The following LHFPL2 variants were observed in gnomAD, a reference collection of about 807,000 sequenced individuals.
The protein encoded by LHFPL2 is LHFPL tetraspan subfamily member 2 protein.
LHFPL2 carries 7 observed loss-of-function variants against 17.5 expected under a neutral mutation model. That is an observed-to-expected ratio of 0.40 (90% confidence interval 0.23 to 0.75). The LOEUF is 0.75. LHFPL2 is among the 30% of genes least tolerant of loss of function. The pLI, the probability that LHFPL2 is intolerant of heterozygous loss-of-function variation, is 0.37. For missense variants in LHFPL2, 241 were observed against 294.8 expected, an observed-to-expected ratio of 0.82 and a Z score of 1.34; for synonymous variants, 134 against 116.2, an observed-to-expected ratio of 1.15 and a Z score of -0.99.
chr5:78,549,464 C>T (rs1756376991), intron 3 of LHFPL2, among the ~76,000 whole-genome samples: 1 of 152,226 alleles, frequency 6.6e-6, no homozygotes, highest in Admixed American at 6.5e-5. Flanking sequence ...GTCAGCATCT[C>T]CCCAACTGGG....
intron 1 of LHFPL2, among the ~76,000 whole-genome samples, chr5:78,633,341 C>T (rs191355099): frequency 1.3e-5 from 2 of 152,356 alleles, no homozygotes; most frequent in Non-Finnish European, 2.9e-5. Flanking sequence ...CAGCTCAGTG[C>T]CACTGCCTCA....
At chr5:78,618,408 T>C (rs1395865732) in intron 2 of LHFPL2, among the ~76,000 whole-genome samples, 1 of 152,118 alleles carries the variant, frequency 6.6e-6, no homozygotes, top group African/African-American at 2.4e-5. Context: ...CATGTGGCAA[T>C]GGCAGAGGTC....
Position 78,607,793 on chromosome 5 carries a change from T to C in LHFPL2, c.-245+24471A>G, listed in dbSNP as rs919313488. On this transcript the variant is annotated intron_variant, in intron 2 of 4. Coordinates refer to ENST00000380345, the MANE Select transcript of LHFPL2 (RefSeq NM_005779.3). ...TACAAAGAAAAGTGGTAGGTTTTTT[T>C]TCCCCTAAGCCGAAGGTACCTATGC... Among the ~76,000 whole-genome samples, 4 of 152,242 alleles carry C rather than the reference T, an allele frequency of 2.6e-5. No homozygotes were observed. In the East Asian group the frequency reaches 5.8e-4, roughly 22 times the overall value.
At chr5:78,584,913 C>A (rs550388368) in intron 2 of LHFPL2, among the ~76,000 whole-genome samples, 8 of 151,558 alleles carry the variant, frequency 5.3e-5, no homozygotes, top group Admixed American at 5.3e-4. Context: ...TGATCTCTGA[C>A]TGCTGTGCTA....
chr5:78,607,963 A>G (rs544443693), intron 2 of LHFPL2, among the ~76,000 whole-genome samples: 1 of 152,364 alleles, frequency 6.6e-6, no homozygotes, highest in Admixed American at 6.5e-5. Context: ...CTTTTTAAGA[A>G]GATATGTGAT....
chr5:78,585,382 T>C (rs1743345490), intron 2 of LHFPL2, among the ~76,000 whole-genome samples: 1 of 151,770 alleles, frequency 6.6e-6, no homozygotes, highest in African/African-American at 2.4e-5. Context: ...AGGTGCCGTC[T>C]GTCACCCCTT....
At chr5:78,541,650 C>G (rs1756118290) in intron 3 of LHFPL2, among the ~76,000 whole-genome samples, 1 of 152,182 alleles carries the variant, frequency 6.6e-6, no homozygotes, top group South Asian at 2.1e-4. Flanking sequence ...CCTGATAAAT[C>G]AGTTACTAAA....
At chr5:78,494,337 A>G (rs1754539666) in intron 4 of LHFPL2, 1 of 984,304 alleles carries the variant, frequency 1.0e-6, no homozygotes, top group South Asian at 4.7e-5. Context: ...GAAAGAAGCC[A>G]TAGGTCACCT....
chr5:78,529,387 C>G (rs1755712750), intron 3 of LHFPL2, among the ~76,000 whole-genome samples: 1 of 152,206 alleles, frequency 6.6e-6, no homozygotes, highest in Non-Finnish European at 1.5e-5. Context: ...GATGACCTCG[C>G]TTTACTGTCA....
intron 3 of LHFPL2, among the ~76,000 whole-genome samples, chr5:78,545,565 A>C (rs1756247150): frequency 6.6e-6 from 1 of 152,224 alleles, no homozygotes; most frequent in Non-Finnish European, 1.5e-5. Context: ...TTGCTCCATG[A>C]GACGAACTCA....
At chr5:78,619,444 A>G (rs1224385580) in intron 2 of LHFPL2, among the ~76,000 whole-genome samples, 1 of 151,688 alleles carries the variant, frequency 6.6e-6, no homozygotes, top group Non-Finnish European at 1.5e-5. Flanking sequence ...CTCATCCTTT[A>G]GAGTTTACAG....
At chr5:78,591,824 G>A (rs1001268107) in intron 2 of LHFPL2, among the ~76,000 whole-genome samples, 5 of 152,214 alleles carry the variant, frequency 3.3e-5, no homozygotes, top group African/African-American at 4.8e-5. Flanking sequence ...GGCAGCAAGA[G>A]CAAACACAAG....
At chr5:78,627,648 C>T (rs1253156112) in intron 2 of LHFPL2, among the ~76,000 whole-genome samples, 1 of 152,196 alleles carries the variant, frequency 6.6e-6, no homozygotes, top group Non-Finnish European at 1.5e-5. Context: ...GCCTCACTCC[C>T]TCTCTGCAAA....
At position 78,616,590 on chromosome 5, in the gene LHFPL2, G is replaced by A. The variant is rs115650730; in HGVS notation, c.-245+15674C>T. 3.1e-3 allele frequency among the ~76,000 whole-genome samples: 469 copies of A among 152,340 alleles called. 4 individuals are homozygous for A. The highest frequency in any genetic ancestry group is 0.011 in the African/African-American group (457 of 41,576). On this transcript the variant is annotated intron_variant, in intron 2 of 4. Coordinates refer to ENST00000380345, the MANE Select transcript of LHFPL2 (RefSeq NM_005779.3). ...TCACCTCCCCTAATCCTTGCTCAGT[G>A]TGCTGATGTGTCCCAGAGGAGAAGG...
Position 78,510,296 on chromosome 5 carries a change from G to A in LHFPL2, c.-83C>T. On this transcript the variant is annotated 5_prime_UTR_variant, in exon 4 of 5. Coordinates refer to ENST00000380345, the MANE Select transcript of LHFPL2 (RefSeq NM_005779.3). Reference sequence around the variant, plus strand: ...AGTCGGTGGGGAAGGAGGCTCGGGCGGCCCGGGAAGGAAGTCGCAGCTGCA... The same window carrying A: ...AGTCGGTGGGGAAGGAGGCTCGGGCAGCCCGGGAAGGAAGTCGCAGCTGCA... 2 of 1,344,532 alleles carry A rather than the reference G, an allele frequency of 1.5e-6. No homozygotes were observed. The highest frequency in any genetic ancestry group is 1.5e-5 in the South Asian group (1 of 66,216). 83.3% of individuals were successfully genotyped at this position (1,344,532 alleles called of 1,614,324 possible).
intron 3 of LHFPL2, among the ~76,000 whole-genome samples, chr5:78,542,078 C>A (rs1001442971): frequency 1.3e-5 from 2 of 151,968 alleles, no homozygotes; most frequent in Admixed American, 1.3e-4. Context: ...AGCTCTGCGA[C>A]CCTTTGGATT....
At chr5:78,531,843 C>T (rs1037620471) in intron 3 of LHFPL2, among the ~76,000 whole-genome samples, 2 of 152,128 alleles carry the variant, frequency 1.3e-5, no homozygotes, top group Non-Finnish European at 2.9e-5. Context: ...CTCACTGCAA[C>T]CTCTGCCTCC....
intron 4 of LHFPL2, among the ~76,000 whole-genome samples, chr5:78,496,229 C>A (rs527439763): frequency 2.6e-5 from 4 of 152,212 alleles, no homozygotes; most frequent in Non-Finnish European, 5.9e-5. Context: ...ATCTCCCACA[C>A]CCAGCACACT....
At chr5:78,525,902 A>C (rs1755609540) in intron 3 of LHFPL2, among the ~76,000 whole-genome samples, 1 of 152,144 alleles carries the variant, frequency 6.6e-6, no homozygotes, top group South Asian at 2.1e-4. Flanking sequence ...AACACCAAGG[A>C]AGTAGGAAAG....
Sources: allele counts gnomAD v4.1 joint callset (sites outside exome capture counted in the v4.1 genomes callset), GRCh38; gene constraint gnomAD v4.1.1; transcripts MANE v1.5; gene names NCBI Gene and HGNC (gene_info 2026-07-23, HGNC 2026-07-21).